Variants in SNX8 observed in about 807,000 individuals in gnomAD.
SNX8 encodes the protein sorting nexin-8.
Under a neutral mutation model 51.6 loss-of-function variants are expected in SNX8, and 25 were observed. The observed-to-expected ratio is 0.48, with a 90% confidence interval of 0.35 to 0.68. SNX8 has a LOEUF of 0.68. Ranked by LOEUF, SNX8 falls within the 30% of genes least tolerant of loss-of-function variation. SNX8 has a pLI of 0.00. For missense variants in SNX8, 695 were observed against 624.0 expected (o/e 1.11, Z -1.21); for synonymous variants, 324 against 277.0 (o/e 1.17, Z -1.68).
intron 1 of SNX8, among the ~76,000 whole-genome samples, chr7:2,353,342 T>C (rs1273761085): frequency 2.6e-5 from 4 of 152,094 alleles, no homozygotes; most frequent in African/African-American, 9.7e-5. Flanking sequence ...GCTGTGATTA[T>C]GCCACCGCAC....
At chr7:2,312,655 G>A (rs1305236352) in intron 1 of SNX8, among the ~76,000 whole-genome samples, 2 of 151,876 alleles carry the variant, frequency 1.3e-5, no homozygotes, top group East Asian at 1.9e-4. Context: ...GTTTCTCGCC[G>A]ACGAAGAAAC....
chr7:2,353,044 G>T (rs1379348814), intron 1 of SNX8, among the ~76,000 whole-genome samples: 1 of 151,940 alleles, frequency 6.6e-6, no homozygotes, highest in South Asian at 2.1e-4. Context: ...CTATAGTCCC[G>T]GCACTTTGGG....
At chr7:2,348,679 G>A (rs930502335) in intron 1 of SNX8, among the ~76,000 whole-genome samples, 2 of 151,468 alleles carry the variant, frequency 1.3e-5, no homozygotes, top group African/African-American at 4.8e-5. Flanking sequence ...GTGGCCAGGC[G>A]CGGTGGCTCA....
intron 1 of SNX8, among the ~76,000 whole-genome samples, chr7:2,325,151 T>A (rs1285876436): frequency 1.3e-5 from 2 of 152,066 alleles, no homozygotes; most frequent in African/African-American, 2.4e-5. Context: ...TATAAAAAAA[T>A]TTTTTTAGAG....
At chr7:2,257,652 G>A (rs1795223848) in intron 8 of SNX8, 83 bp downstream of exon 8, 5 of 1,563,652 alleles carry the variant, frequency 3.2e-6, no homozygotes, top group Admixed American at 3.4e-5. Flanking sequence ...CTCCTCTTCC[G>A]TCCCCCAGGA....
chr7:2,269,623 A>G lies in SNX8; in HGVS notation c.557T>C (p.Leu186Ser). 1 of 1,600,038 alleles carries G rather than the reference A, an allele frequency of 6.2e-7. No homozygotes were observed. Among genetic ancestry groups the G allele is most frequent in the Non-Finnish European group, 8.5e-7 (1 of 1,173,310 alleles). The change falls in exon 5 of 11, where the codon TTA becomes TCA. Residue 186 changes from leucine to serine, a missense_variant. Coordinates refer to ENST00000222990, the MANE Select transcript of SNX8 (RefSeq NM_013321.4). ...SFSGSDVQNK[L>S]KESAQCVGDE... is the part of the protein sequence containing the mutation. Reference sequence around the variant, plus strand: ...CCCGACGCACTGTGCTGACTCCTTTAACTTGTTCTGCACATCCTGCAAAAG... The same window carrying G: ...CCCGACGCACTGTGCTGACTCCTTTGACTTGTTCTGCACATCCTGCAAAAG...
chr7:2,314,309 C>T lies in SNX8; in HGVS notation c.94+19G>A, dbSNP rs1796717409. ...GCGCGCCCTGGGCAGGTGGGGGCTA[C>T]CGCCGCCCCACGCCCTACCTGACGC... On this transcript the variant is annotated intron_variant, in intron 1 of 10. Transcript: ENST00000222990. 8.2e-7 allele frequency: 1 copy of T among 1,220,440 alleles called. No individual in the cohort carries two copies. The highest frequency in any genetic ancestry group is 3.2e-5 in the East Asian group (1 of 30,772). The allele number at this position is 1,220,440 out of a possible 1,614,324, so 75.6% of individuals were successfully genotyped here.
chr7:2,258,038 CT>C (rs574386417), intron 7 of SNX8, among the ~76,000 whole-genome samples: 2,100 of 136,826 alleles, frequency 0.015, 58 homozygotes, highest in African/African-American at 0.057. Flanking sequence ...GAGTCGGAGT[CT>C]TCGCTCTGTC....
chr7:2,343,142 G>A (rs1177338808), intron 1 of SNX8, among the ~76,000 whole-genome samples: 9 of 151,724 alleles, frequency 5.9e-5, no homozygotes, highest in Admixed American at 5.9e-4. Context: ...TGTTGGCCAG[G>A]CTGGTCTCTA....
At chr7:2,309,788 TCA>T (rs769381177) in intron 1 of SNX8, 3 of 470,712 alleles carry the variant, frequency 6.4e-6, no homozygotes, top group South Asian at 4.6e-5. Context: ...ACCAACGTAT[TCA>T]CACAGAGAAC....
upstream of SNX8, among the ~76,000 whole-genome samples, chr7:2,318,448 C>T (rs550735528): frequency 6.1e-5 from 9 of 148,196 alleles, no homozygotes; most frequent in African/African-American, 2.0e-4. Context: ...GGTGTGAACC[C>T]GGGAGGCAGA....
intron 1 of SNX8, among the ~76,000 whole-genome samples, chr7:2,332,458 C>T (rs1583118396): frequency 6.6e-6 from 1 of 151,986 alleles, no homozygotes; most frequent in South Asian, 2.1e-4. Context: ...GCATAACCAA[C>T]ACAATCTTAG....
chr7:2,348,544 T>G (rs1364482122), intron 1 of SNX8, among the ~76,000 whole-genome samples: 1 of 151,654 alleles, frequency 6.6e-6, no homozygotes, highest in Non-Finnish European at 1.5e-5. Context: ...GGTTTCACCG[T>G]GTTAGCCAGG....
intron 1 of SNX8, among the ~76,000 whole-genome samples, chr7:2,297,480 G>A (rs1796296964): frequency 6.8e-6 from 1 of 147,484 alleles, no homozygotes; most frequent in Admixed American, 6.9e-5. Flanking sequence ...AACCCAAGAG[G>A]GACAGGTTGC....
intron 1 of SNX8, among the ~76,000 whole-genome samples, chr7:2,337,971 A>G (rs1778860214): frequency 6.6e-6 from 1 of 152,162 alleles, no homozygotes; most frequent in African/African-American, 2.4e-5. Flanking sequence ...AATGAAAACT[A>G]TTAAACTCTG....
At chr7:2,324,035 G>A (rs923951123) in intron 1 of SNX8, among the ~76,000 whole-genome samples, 10 of 151,754 alleles carry the variant, frequency 6.6e-5, no homozygotes, top group Non-Finnish European at 1.5e-4. Context: ...CAGGATAATC[G>A]CTTGAACCTG....
chr7:2,279,969 C>T (rs777077910), intron 1 of SNX8, among the ~76,000 whole-genome samples: 29 of 152,074 alleles, frequency 1.9e-4, no homozygotes, highest in East Asian at 3.9e-4. Context: ...ACTAGCCATA[C>T]GATCTTCTAA....
intron 7 of SNX8, among the ~76,000 whole-genome samples, chr7:2,258,616 C>T (rs1030025306): frequency 1.3e-5 from 2 of 152,118 alleles, no homozygotes; most frequent in Non-Finnish European, 2.9e-5. Flanking sequence ...GAGAGAGAAA[C>T]GCAGGCCTAG....
intron 1 of SNX8, among the ~76,000 whole-genome samples, chr7:2,289,136 G>A (rs1325203228): frequency 6.6e-6 from 1 of 152,178 alleles, no homozygotes; most frequent in African/African-American, 2.4e-5. Flanking sequence ...ACGTGGCTGT[G>A]GGGCGATGGC....
Sources: gnomAD v4.1 joint callset for allele counts (sites outside exome capture counted in the v4.1 genomes callset) on GRCh38, gnomAD v4.1.1 for gene constraint, MANE v1.5 for transcripts, NCBI Gene and HGNC (gene_info 2026-07-23, HGNC 2026-07-21) for gene names.